The following LMAN2 variants were observed in gnomAD, a reference collection of about 807,000 sequenced individuals.
LMAN2 encodes the protein vesicular integral-membrane protein VIP36.
LMAN2 carries 22 observed loss-of-function variants against 39.3 expected under a neutral mutation model. That is an observed-to-expected ratio of 0.56 (90% CI 0.40 to 0.80). LMAN2 has a LOEUF of 0.80. Ranked by LOEUF, LMAN2 falls within the 30% of genes least tolerant of loss-of-function variation. LMAN2 has a pLI of 0.00. For synonymous variants in LMAN2, 207 were observed against 207.8 expected (o/e 1.00, Z 0.03); for missense variants, 494 against 505.4 (o/e 0.98, Z 0.22).
Position 177,337,224 on chromosome 5 carries a change from G to C in LMAN2, c.702C>G (p.Asn234Lys). Residue 234 changes from asparagine (N) to lysine (K), a missense_variant, in exon 6 of 8, where the codon AAC (asparagine) becomes AAG (lysine). By Grantham distance (94) the Asn-to-Lys change is moderately conservative. Transcript: ENST00000303127. This position sits in a 1 kb window ranked among gnomAD's most constrained non-coding sequence, Gnocchi z 8.2. ...TGATGTCAATGCAGTTCTTCCACTCGTTCTTGTCCTCCAGGTCGGTCATCA... is the reference window on the plus strand; with the variant it reads ...TGATGTCAATGCAGTTCTTCCACTCCTTCTTGTCCTCCAGGTCGGTCATCA... ...LTVMTDLEDK[N>K]EWKNCIDITG... The C allele has an allele frequency of 1.2e-6, 2 of 1,614,014 alleles. No individual in the cohort carries two copies. The highest frequency in any genetic ancestry group is 1.1e-5 in the South Asian group (1 of 91,088).
intron 2 of LMAN2, among the ~76,000 whole-genome samples, chr5:177,342,993 C>A (rs1761579869): frequency 6.6e-6 from 1 of 152,138 alleles, no homozygotes; most frequent in Admixed American, 6.5e-5. Context: ...GTGGCTCATG[C>A]CTGTAGTCCC....
intron 2 of LMAN2, among the ~76,000 whole-genome samples, chr5:177,339,119 G>T (rs1327612378): frequency 6.6e-6 from 1 of 152,104 alleles, no homozygotes; most frequent in Non-Finnish European, 1.5e-5. Flanking sequence ...TCTGCTCAGC[G>T]GACTGTCTGG....
Position 177,337,431 on chromosome 5 carries a change from T to G in LMAN2, c.607A>C (p.Thr203Pro). 6.2e-7 allele frequency: 1 copy of G among 1,613,580 alleles called. No individual in the cohort carries two copies. Among genetic ancestry groups the G allele is most frequent in the Non-Finnish European group, 8.5e-7 (1 of 1,180,008 alleles). Residue 203 changes from threonine (T) to proline (P), a missense_variant, in exon 5 of 8, where the codon ACG becomes CCG. By Grantham distance (38) the Thr-to-Pro change is conservative. Transcript: ENST00000303127. The surrounding 1 kb of genome is among the most constrained non-coding windows in gnomAD (Gnocchi z 8.2). ...DGRWTELAGC[T>P]ADFRNRDHDT... ...TGATCGCGGTTGCGGAAGTCAGCCG[T>G]GCAGCCCGCCAGCTCGGTCCAGCGC...
intron 2 of LMAN2, among the ~76,000 whole-genome samples, chr5:177,345,910 A>G (rs1561607009): frequency 6.6e-6 from 1 of 151,970 alleles, no homozygotes; most frequent in Admixed American, 6.6e-5. Context: ...TGGGACTACA[A>G]GCGCCCGCCA....
rs1268425962 is a variant in LMAN2, at chr5:177,337,572, C to A, written c.514-48G>T. On this transcript the variant is annotated intron_variant, in intron 4 of 7. Coordinates refer to ENST00000303127, the MANE Select transcript of LMAN2 (RefSeq NM_006816.3). The surrounding 1 kb of genome is among the most constrained non-coding windows in gnomAD (Gnocchi z 8.2). ...TCCACAAGCAGCCCAGCCTGTGGGG[C>A]GAGCAGGGGCACCCACCACCCCAAT... The A allele has an allele frequency of 6.2e-7, 1 of 1,608,452 alleles. No individual in the cohort carries two copies. Among genetic ancestry groups the A allele is most frequent in the African/African-American group, 1.3e-5 (1 of 74,894 alleles).
intron 2 of LMAN2, among the ~76,000 whole-genome samples, chr5:177,344,571 C>T (rs1561606533): frequency 2.0e-5 from 3 of 151,576 alleles, no homozygotes; most frequent in African/African-American, 4.8e-5. Flanking sequence ...TGAGCCACCG[C>T]GCCCAGCCTG....
chr5:177,332,343 C>CGGTG lies in LMAN2; in HGVS notation c.911-101_911-98dup, dbSNP rs1437925618. 1 of 1,180,534 alleles carries CGGTG rather than the reference C, an allele frequency of 8.5e-7. No individual in the cohort carries two copies. Among genetic ancestry groups the CGGTG allele is most frequent in the Non-Finnish European group, 1.2e-6 (1 of 832,738 alleles). 73.1% of individuals were successfully genotyped at this position (1,180,534 alleles called of 1,614,324 possible). On this transcript the variant is annotated intron_variant, in intron 7 of 7. Coordinates refer to ENST00000303127, the MANE Select transcript of LMAN2 (RefSeq NM_006816.3). This position sits in a 1 kb window ranked among gnomAD's most constrained non-coding sequence, Gnocchi z 6.3. Reference sequence around the variant, plus strand: ...GGGGATGGAACAGGACAGCCGGCCACGGTGGGCAGGCCGGTCGTACTCACC... The same window carrying CGGTG: ...GGGGATGGAACAGGACAGCCGGCCACGGTGGGTGGGCAGGCCGGTCGTACTCACC...
intron 6 of LMAN2, among the ~76,000 whole-genome samples, chr5:177,335,929 C>T (rs999510758): frequency 2.6e-5 from 4 of 152,178 alleles, no homozygotes; most frequent in African/African-American, 9.7e-5. Context: ...AGAACCACAG[C>T]CAAGGGCCAC....
chr5:177,335,997 G>A (rs1030503675), intron 6 of LMAN2, among the ~76,000 whole-genome samples: 2 of 152,232 alleles, frequency 1.3e-5, no homozygotes, highest in African/African-American at 4.8e-5. Flanking sequence ...TGCTCGCTGA[G>A]CACCTGCCCT....
At chr5:177,346,447 G>T in intron 2 of LMAN2, 2 of 375,556 alleles carry the variant, frequency 5.3e-6, no homozygotes, top group South Asian at 1.5e-4. Flanking sequence ...TTAATAAATT[G>T]ATTACCGGTT....
intron 2 of LMAN2, among the ~76,000 whole-genome samples, chr5:177,341,469 C>T (rs980179303): frequency 6.6e-6 from 1 of 152,166 alleles, no homozygotes; most frequent in Non-Finnish European, 1.5e-5. Context: ...ACGGCGGGAA[C>T]AGCGGGAGCA....
chr5:177,332,192 C>G lies in LMAN2; in HGVS notation c.965G>C (p.Arg322Pro). ...AGCGCACAGCAGCAGCAGGAACACC[C>G]GCCACCCCGTCAGGGGCCCGCTGCG... is the stretch of plus-strand genomic sequence containing the variant. ...NFRSGPLTGW[R>P]VFLLLLCALL... is the part of the protein sequence containing the mutation. Residue 322 changes from arginine (R) to proline (P), a missense_variant, in exon 8 of 8, where the codon CGG becomes CCG. Physicochemically the swap from Arg to Pro is moderately radical, Grantham distance 103. Transcript: ENST00000303127. The surrounding 1 kb of genome is among the most constrained non-coding windows in gnomAD (Gnocchi z 6.3). 1.9e-6 allele frequency: 3 copies of G among 1,613,414 alleles called. No individual in the cohort carries two copies. Among genetic ancestry groups the G allele is most frequent in the Non-Finnish European group, 2.5e-6 (3 of 1,179,888 alleles).
intron 7 of LMAN2, 21 bp downstream of exon 7, chr5:177,334,263 G>A: frequency 2.5e-6 from 4 of 1,607,518 alleles, no homozygotes. Context: ...GCCCAGGCAG[G>A]GCGGGGCTGT....
At chr5:177,347,764 C>T (rs998152512) in intron 2 of LMAN2, among the ~76,000 whole-genome samples, 2 of 152,136 alleles carry the variant, frequency 1.3e-5, no homozygotes, top group Non-Finnish European at 2.9e-5. Context: ...AAGATCACTG[C>T]ATGACGTTGG....
chr5:177,345,870 C>T (rs916722046), intron 2 of LMAN2, among the ~76,000 whole-genome samples: 74 of 152,178 alleles, frequency 4.9e-4, no homozygotes, highest in African/African-American at 1.7e-3. Flanking sequence ...CAGGTTCAAG[C>T]AATTCTCCTG....
chr5:177,343,413 T>C (rs1438406352), intron 2 of LMAN2, among the ~76,000 whole-genome samples: 1 of 152,204 alleles, frequency 6.6e-6, no homozygotes, highest in East Asian at 1.9e-4. Context: ...CCAGAGATTC[T>C]ACTTCCTGGG....
At chr5:177,339,583 G>A (rs143186532) in intron 2 of LMAN2, among the ~76,000 whole-genome samples, 1 of 152,354 alleles carries the variant, frequency 6.6e-6, no homozygotes, top group African/African-American at 2.4e-5. Flanking sequence ...CTGCAGATGG[G>A]TATGTAAGCA....
At position 177,351,270 on chromosome 5, in the gene LMAN2, G is replaced by A. The variant is rs141658018; in HGVS notation, c.218C>T (p.Pro73Leu). The change falls in exon 2 of 8, where the codon CCC becomes CTC. Residue 73 changes from proline to leucine, a missense_variant. Physicochemically the swap from Pro to Leu is moderately conservative, Grantham distance 98. Transcript: ENST00000303127. Reference sequence around the variant, plus strand: ...AGTGCTGCCCTGGAAGTCCCAGAGGGGCATAGAGCTGGAACCGACCCCTGT... The same window carrying A: ...AGTGCTGCCCTGGAAGTCCCAGAGGAGCATAGAGCTGGAACCGACCCCTGT... ...PYQGVGSSSM[P>L]LWDFQGSTML... The A allele has an allele frequency of 5.4e-5, 87 of 1,614,110 alleles. No individual in the cohort carries two copies. In the African/African-American group the frequency reaches 1.1e-3, roughly 20 times the overall value.
intron 7 of LMAN2, among the ~76,000 whole-genome samples, chr5:177,333,875 A>G (rs945543907): frequency 3.3e-5 from 5 of 152,210 alleles, no homozygotes; most frequent in African/African-American, 1.2e-4. Context: ...GGTGGCTCAC[A>G]GAAGGGACAG....
Sources: allele counts gnomAD v4.1 joint callset (sites outside exome capture counted in the v4.1 genomes callset), GRCh38; gene constraint gnomAD v4.1.1; non-coding constraint Gnocchi (gnomAD v3.1); transcripts MANE v1.5; gene names NCBI Gene and HGNC (gene_info 2026-07-23, HGNC 2026-07-21).